NR6A1: variants seen among roughly 807,000 people sequenced by gnomAD.
NR6A1 encodes retinoic acid receptor-related testis-associated receptor.
In NR6A1, 7 loss-of-function variants were observed where a neutral mutation model predicts 59.1. The observed-to-expected ratio is 0.12, with a 90% confidence interval of 0.07 to 0.22. The LOEUF is 0.22. Ranked by LOEUF, NR6A1 falls within the 10% of genes least tolerant of loss-of-function variation. NR6A1 has a pLI of 1.00. For synonymous variants in NR6A1, 243 were observed against 236.1 expected (o/e 1.03, Z -0.27); for missense variants, 468 against 611.6 (o/e 0.77, Z 2.48).
intron 2 of NR6A1, among the ~76,000 whole-genome samples, chr9:124,614,434 T>C (rs555634083): frequency 6.6e-6 from 1 of 152,358 alleles, no homozygotes; most frequent in African/African-American, 2.4e-5. Context: ...AGCATTTATA[T>C]ATCCCCCAAC....
At chr9:124,619,604 G>C (rs908704954) in intron 2 of NR6A1, among the ~76,000 whole-genome samples, 9 of 152,104 alleles carry the variant, frequency 5.9e-5, no homozygotes, top group Non-Finnish European at 1.0e-4. Flanking sequence ...TGTTTGGAAA[G>C]TCTAGAACCA....
At chr9:124,603,496 T>A (rs1339845824) in intron 2 of NR6A1, among the ~76,000 whole-genome samples, 2 of 152,216 alleles carry the variant, frequency 1.3e-5, no homozygotes, top group African/African-American at 4.8e-5. Context: ...TACCTGAGAC[T>A]AAATCTTCCA....
intron 2 of NR6A1, among the ~76,000 whole-genome samples, chr9:124,565,739 C>T (rs1325367156): frequency 6.6e-6 from 1 of 152,194 alleles, no homozygotes; most frequent in Non-Finnish European, 1.5e-5. Context: ...TTCAAACTTA[C>T]TAGTGATCAA....
At chr9:124,669,177 T>C (rs78110532) in intron 2 of NR6A1, among the ~76,000 whole-genome samples, 1,577 of 152,290 alleles carry the variant, frequency 0.01, 25 homozygotes, top group African/African-American at 0.036. Flanking sequence ...ACTCTCACCA[T>C]TGGAGAAAAA....
intron 1 of NR6A1, among the ~76,000 whole-genome samples, chr9:124,745,063 G>A (rs1243218740): frequency 4.6e-5 from 7 of 152,198 alleles, no homozygotes; most frequent in Admixed American, 3.3e-4. Flanking sequence ...ACAGAAAATA[G>A]TACAAAACTC....
intron 2 of NR6A1, among the ~76,000 whole-genome samples, chr9:124,645,176 T>C (rs1474658280): frequency 6.6e-6 from 1 of 151,910 alleles, no homozygotes; most frequent in African/African-American, 2.4e-5. Context: ...ACACATAAAA[T>C]GCTCAATTAA....
At chr9:124,668,122 T>C (rs1837681366) in intron 2 of NR6A1, among the ~76,000 whole-genome samples, 1 of 152,168 alleles carries the variant, frequency 6.6e-6, no homozygotes, top group Admixed American at 6.5e-5. Context: ...TTAATACATA[T>C]TTTATATGTT....
chr9:124,618,900 T>C (rs1835979197), intron 2 of NR6A1, among the ~76,000 whole-genome samples: 1 of 151,824 alleles, frequency 6.6e-6, no homozygotes, highest in African/African-American at 2.4e-5. Context: ...GGTAGGAGAG[T>C]AGGGGTGGGA....
intron 2 of NR6A1, among the ~76,000 whole-genome samples, chr9:124,582,313 G>A (rs1039246103): frequency 2.0e-5 from 3 of 152,136 alleles, no homozygotes; most frequent in African/African-American, 4.8e-5. Context: ...ACTAACATGC[G>A]AACAGAAAAC....
At chr9:124,609,137 CT>C (rs1370832935) in intron 2 of NR6A1, among the ~76,000 whole-genome samples, 2 of 151,878 alleles carry the variant, frequency 1.3e-5, no homozygotes, top group African/African-American at 4.8e-5. Context: ...TCAATTTTTG[CT>C]TTTGTTGCAA....
intron 1 of NR6A1, 126 bp downstream of exon 1, chr9:124,770,894 C>T (rs1368346327): frequency 2.0e-6 from 1 of 489,634 alleles, no homozygotes; most frequent in South Asian, 1.1e-4. Context: ...TGAAGGGCCA[C>T]CCTAAGGGGC....
At chr9:124,732,100 T>C (rs1309781028) in intron 2 of NR6A1, among the ~76,000 whole-genome samples, 1 of 152,198 alleles carries the variant, frequency 6.6e-6, no homozygotes, top group Non-Finnish European at 1.5e-5. Context: ...AATTAATAAG[T>C]ATTAGTTGCA....
rs193005583 is a variant in NR6A1 at position 124,547,053 on chromosome 9, A to G, written c.386-3196T>C. On this transcript the variant is annotated intron_variant, in intron 3 of 9. Transcript: ENST00000487099. The stretch of plus-strand genomic sequence containing the variant: ...TCAGCAGGGCTAAAATCTATTTGGC[A>G]GTGATTTGATTAAAAAGAACAAATG... Among the ~76,000 whole-genome samples, 481 of 152,394 alleles carry G rather than the reference A, an allele frequency of 3.2e-3. 3 individuals are homozygous for G. Among genetic ancestry groups the G allele is most frequent in the Admixed American group, 0.02 (305 of 15,312 alleles).
At chr9:124,657,373 G>GT (rs1837290918) in intron 2 of NR6A1, among the ~76,000 whole-genome samples, 1 of 152,148 alleles carries the variant, frequency 6.6e-6, no homozygotes, top group Non-Finnish European at 1.5e-5. Flanking sequence ...CTATTGGTAT[G>GT]TTTAAGTATC....
intron 1 of NR6A1, among the ~76,000 whole-genome samples, chr9:124,767,893 T>C (rs867443137): frequency 6.6e-5 from 10 of 152,360 alleles, no homozygotes; most frequent in Middle Eastern, 3.4e-3. Context: ...CTCATTCTCT[T>C]AAAATGAACA....
chr9:124,564,927 T>G (rs1834193038), intron 2 of NR6A1, among the ~76,000 whole-genome samples: 1 of 152,186 alleles, frequency 6.6e-6, no homozygotes, highest in Non-Finnish European at 1.5e-5. Context: ...AATATTTAAT[T>G]TATGAAGATG....
At chr9:124,538,412 G>A in intron 5 of NR6A1, 93 bp from the exon 6 acceptor site, 1 of 906,536 alleles carries the variant, frequency 1.1e-6, no homozygotes, top group Non-Finnish European at 1.7e-6. Context: ...GGTATTCTTT[G>A]AACATGAGGT....
At chr9:124,610,806 A>G (rs1835717413) in intron 2 of NR6A1, among the ~76,000 whole-genome samples, 1 of 152,094 alleles carries the variant, frequency 6.6e-6, no homozygotes, top group South Asian at 2.1e-4. Flanking sequence ...CAGGGATTCA[A>G]CTTCTTCCTG....
chr9:124,641,595 G>A (rs570064505), intron 2 of NR6A1, among the ~76,000 whole-genome samples: 5 of 152,170 alleles, frequency 3.3e-5, no homozygotes, highest in Non-Finnish European at 5.9e-5. Flanking sequence ...AGCTTGGGAG[G>A]CTGAGGCAGG....
Sources: gnomAD v4.1 joint callset for allele counts (sites outside exome capture counted in the v4.1 genomes callset) on GRCh38, gnomAD v4.1.1 for gene constraint, MANE v1.5 for transcripts, NCBI Gene and HGNC (gene_info 2026-07-23, HGNC 2026-07-21) for gene names.